The following ARSL variants were observed in gnomAD, a reference collection of about 807,000 sequenced individuals.
ARSL encodes the protein arylsulfatase L.
ARSL carries 4 observed loss-of-function variants against 31.1 expected under a neutral mutation model. The ratio of observed to expected loss-of-function variants is 0.13; its 90% CI spans 0.06 to 0.29. The LOEUF is 0.29. Among genes scored for constraint, ARSL ranks in the 10% least tolerant of loss-of-function variants. The pLI is 1.00. For synonymous variants in ARSL, 198 were observed against 209.9 expected (o/e 0.94, Z 0.49); for missense variants, 312 against 497.8 (o/e 0.63, Z 3.55).
intron 7 of ARSL, 29 bp downstream of exon 7, chrX:2,945,969 C>T: frequency 8.3e-7 from 1 of 1,209,086 alleles, no homozygotes; most frequent in Non-Finnish European, 1.1e-6. Flanking sequence ...GGAAGGGAAG[C>T]AGCCCATTTT....
At chrX:2,935,672 CTTT>C in intron 10 of ARSL, among the ~76,000 whole-genome samples, 1 of 97,238 alleles carries the variant, frequency 1.0e-5, no homozygotes, top group Non-Finnish European at 2.0e-5. Flanking sequence ...TCAGTTTTTT[CTTT>C]TCTTTTCTTT....
At chrX:2,938,632 C>T (rs760937506) in intron 8 of ARSL, among the ~76,000 whole-genome samples, 1 of 104,410 alleles carries the variant, frequency 9.6e-6, no homozygotes, top group Non-Finnish European at 2.0e-5. Flanking sequence ...AACCCCCAGG[C>T]GCTGGGAGCA....
rs1188134606 is a variant in ARSL, at chrX:2,938,000, G to A, written c.1289+95C>T. Reference sequence around the variant, plus strand: ...GGTTTGGTCGGGGAACAATTTCAGGGACGCCTTACTGCAAAGCCAAAGTGA... The same window carrying A: ...GGTTTGGTCGGGGAACAATTTCAGGAACGCCTTACTGCAAAGCCAAAGTGA... On this transcript the variant is annotated intron_variant, in intron 9 of 10. Coordinates refer to ENST00000381134, the MANE Select transcript of ARSL (RefSeq NM_000047.3). The A allele has an allele frequency of 2.3e-5, 26 of 1,147,834 alleles. No individual in the cohort carries two copies. In the East Asian group the frequency reaches 7.8e-4, roughly 34 times the overall value. The allele number at this position is 1,147,834 out of a possible 1,213,427, so 94.6% of individuals were successfully genotyped here.
intron 1 of ARSL, among the ~76,000 whole-genome samples, chrX:2,961,446 T>C (rs2089632729): frequency 9.0e-6 from 1 of 111,718 alleles, no homozygotes; most frequent in Admixed American, 9.6e-5. Flanking sequence ...AGTCATGCCC[T>C]ACAAACCAAA....
rs1254117790 is a variant in ARSL at position 2,943,173 on chromosome X, C to G, written c.1018G>C (p.Glu340Gln). 1 of 1,211,102 alleles carries G rather than the reference C, an allele frequency of 8.3e-7. No homozygotes were observed. The highest frequency in any genetic ancestry group is 2.2e-5 in the Admixed American group (1 of 45,986). The change falls in exon 8 of 11, where the codon GAG (glutamate) becomes CAG (glutamine). Residue 340 changes from glutamate to glutamine, a missense_variant. Coordinates refer to ENST00000381134, the MANE Select transcript of ARSL (RefSeq NM_000047.3). The part of the protein sequence containing the change: ...VGRILDTLDV[E>Q]GLSNSTLIYF... Reference sequence around the variant, plus strand: ...ATGAGGGTGCTGTTGCTCAAACCCTCCACGTCCAAAGTGTCAAGGATCCGT... The same window carrying G: ...ATGAGGGTGCTGTTGCTCAAACCCTGCACGTCCAAAGTGTCAAGGATCCGT...
chrX:2,955,640 GT>G, intron 3 of ARSL, 103 bp from the exon 4 acceptor site: 1 of 971,889 alleles, frequency 1.0e-6, no homozygotes, highest in African/African-American at 1.9e-5. Flanking sequence ...TCATCGCTGA[GT>G]GCTTCAAGAT....
At chrX:2,967,216 A>T (rs2079584), upstream of ARSL, among the ~76,000 whole-genome samples, 1,721 of 111,425 alleles carry the variant, frequency 0.015, 27 homozygotes, top group African/African-American at 0.055. Flanking sequence ...GGACCCTCAA[A>T]CATGTTTGAA....
At chrX:2,967,304 A>G (rs1476513093), upstream of ARSL, among the ~76,000 whole-genome samples, 1 of 112,454 alleles carries the variant, frequency 8.9e-6, no homozygotes, top group Non-Finnish European at 1.9e-5. Flanking sequence ...TAGTGACACA[A>G]TAAAAGCAGA....
At position 2,958,302 on chromosome X, in the gene ARSL, T is replaced by C. The variant is rs61733256; in HGVS notation, c.157A>G (p.Ile53Val). Residue 53 changes from isoleucine to valine, a missense_variant, in exon 3 of 11, where the codon ATT becomes GTT. Physicochemically the swap from Ile to Val is conservative, Grantham distance 29. Transcript: ENST00000381134. The part of the protein sequence containing the change: ...LMADDLGIGD[I>V]GCYGNNTMRT... ...ATGGTGTTGTTGCCATAGCAGCCAA[T>C]GTCCCCAATGCCAAGGTCGTCCGCC... The C allele has an allele frequency of 5.5e-3, 6,619 of 1,210,149 alleles. 201 individuals are homozygous for C. In the African/African-American group the frequency reaches 0.095, roughly 17 times the overall value.
At chrX:2,954,628 GTATTAT>G (rs761061951) in intron 4 of ARSL, among the ~76,000 whole-genome samples, 7 of 111,131 alleles carry the variant, frequency 6.3e-5, no homozygotes, top group Non-Finnish European at 1.3e-4. Flanking sequence ...TAGGTGTTAT[GTATTAT>G]TATTATTAAG....
chrX:2,946,830 C>G (rs755916971), intron 6 of ARSL, among the ~76,000 whole-genome samples: 1 of 110,893 alleles, frequency 9.0e-6, no homozygotes, highest in Non-Finnish European at 1.9e-5. Flanking sequence ...CCACAACACA[C>G]GTCTTGTTTA....
At chrX:2,936,898 A>G (rs1338320287) in intron 9 of ARSL, 35 bp from the exon 10 acceptor site, 12 of 1,210,223 alleles carry the variant, frequency 9.9e-6, no homozygotes, top group Non-Finnish European at 1.3e-5. Context: ...TCAGGGTTGG[A>G]ACAGGGACTC....
At chrX:2,936,128 G>T (rs113846904) in intron 10 of ARSL, among the ~76,000 whole-genome samples, 122 of 109,868 alleles carry the variant, frequency 1.1e-3, no homozygotes, top group Middle Eastern at 4.7e-3. Context: ...GAGGCCAGGG[G>T]TTCAAGAACA....
chrX:2,950,314 C>T, intron 5 of ARSL, among the ~76,000 whole-genome samples: 1 of 112,052 alleles, frequency 8.9e-6, no homozygotes, highest in Non-Finnish European at 1.9e-5. Context: ...GGATCCTGGC[C>T]TGCCTCAAAT....
At chrX:2,937,348 CGCACCACT>C (rs2089216553) in intron 9 of ARSL, among the ~76,000 whole-genome samples, 1 of 106,183 alleles carries the variant, frequency 9.4e-6, no homozygotes, top group Non-Finnish European at 1.9e-5. Context: ...GAGCCTAGAT[CGCACCACT>C]GCACTCCAGC....
chrX:2,956,671 C>T (rs1175440809), intron 3 of ARSL, among the ~76,000 whole-genome samples: 1 of 109,033 alleles, frequency 9.2e-6, no homozygotes, highest in Non-Finnish European at 1.9e-5. Flanking sequence ...CCATGTTGGC[C>T]AGGCTGGTCT....
chrX:2,960,474 T>C, intron 1 of ARSL, 54 bp from the exon 2 acceptor site: 3 of 1,158,329 alleles, frequency 2.6e-6, no homozygotes, highest in Non-Finnish European at 3.5e-6. Flanking sequence ...TTGACCTGAT[T>C]ATAAATAAAA....
At chrX:2,960,949 T>C (rs1209637732) in intron 1 of ARSL, among the ~76,000 whole-genome samples, 1 of 111,138 alleles carries the variant, frequency 9.0e-6, no homozygotes, top group Non-Finnish European at 1.9e-5. Context: ...CTGCGCGTGG[T>C]GGCTCATGCC....
At position 2,934,717 on chromosome X, in the gene ARSL, C is replaced by T; in HGVS notation, c.*115G>A. The T allele has an allele frequency of 1.5e-6, 1 of 648,650 alleles. No homozygotes were observed. Among genetic ancestry groups the T allele is most frequent in the South Asian group, 3.0e-5 (1 of 32,972 alleles). The allele number at this position is 648,650 out of a possible 1,213,427, so 53.5% of individuals were successfully genotyped here. ...GGTTGGTTTTGATCACGGGAGTGAT[C>T]CTCCTGTGGTGGCCTCCTAAAGTGC... is the stretch of plus-strand genomic sequence containing the variant. On this transcript the variant is annotated 3_prime_UTR_variant, in exon 11 of 11. Transcript: ENST00000381134.
Sources: gnomAD v4.1 joint callset for allele counts (sites outside exome capture counted in the v4.1 genomes callset) on GRCh38, gnomAD v4.1.1 for gene constraint, MANE v1.5 for transcripts, NCBI Gene and HGNC (gene_info 2026-07-23, HGNC 2026-07-21) for gene names.